Variants in SHISA9 observed in about 807,000 individuals in gnomAD.
The protein encoded by SHISA9 is protein shisa-9.
A neutral mutation model predicts 38.0 loss-of-function variants in SHISA9; 13 were observed. That is an observed-to-expected ratio of 0.34 (90% CI 0.22 to 0.54). SHISA9 has a LOEUF of 0.54. Ranked by LOEUF, SHISA9 falls within the 20% of genes least tolerant of loss-of-function variation. The probability of loss-of-function intolerance (pLI) is 0.91; values close to 1 mark genes in which losing one functional copy is unlikely to be tolerated. For missense variants in SHISA9, 538 were observed against 575.8 expected (o/e 0.93, Z 0.67); for synonymous variants, 275 against 242.0 (o/e 1.14, Z -1.27).
chr16:13,055,067 G>T (rs1198392589), intron 2 of SHISA9, among the ~76,000 whole-genome samples: 1 of 152,046 alleles, frequency 6.6e-6, no homozygotes, highest in Admixed American at 6.6e-5. Flanking sequence ...TAAATTAATA[G>T]GCCTTCTCCT....
At chr16:13,416,757 A>AGGAATGAAG in the SHISA9 span, among the ~76,000 whole-genome samples, 5 of 120,660 alleles carry the variant, frequency 4.1e-5, no homozygotes, top group African/African-American at 1.6e-4. Flanking sequence ...GAAGGAAGGA[A>AGGAATGAAG]GGAAGGAAGG....
intron 2 of SHISA9, among the ~76,000 whole-genome samples, chr16:13,019,556 G>A (rs532065178): frequency 1.3e-5 from 2 of 152,010 alleles, no homozygotes; most frequent in East Asian, 3.9e-4. Flanking sequence ...ACATTTAATG[G>A]CGTTAGGTAC....
intron 2 of SHISA9, among the ~76,000 whole-genome samples, chr16:12,998,435 TG>T (rs2072485661): frequency 6.6e-6 from 1 of 152,228 alleles, no homozygotes; most frequent in South Asian, 2.1e-4. Flanking sequence ...TACCATCCCT[TG>T]GGGTAAAGGT....
chr16:13,364,001 T>G, the SHISA9 span, among the ~76,000 whole-genome samples: 2 of 152,190 alleles, frequency 1.3e-5, no homozygotes, highest in African/African-American at 4.8e-5. Context: ...TTCCACATGA[T>G]TCCAGATTTA....
the SHISA9 span, among the ~76,000 whole-genome samples, chr16:13,383,425 A>AG: frequency 7.2e-5 from 11 of 152,342 alleles, no homozygotes; most frequent in East Asian, 2.1e-3. Flanking sequence ...ATATGGGGGA[A>AG]GAATAGTATT....
chr16:13,504,130 CTAGT>C, the SHISA9 span, among the ~76,000 whole-genome samples: 3 of 152,290 alleles, frequency 2.0e-5, no homozygotes, highest in South Asian at 2.1e-4. Flanking sequence ...TTGCTGCTTA[CTAGT>C]TAGTTTCCTG....
intron 2 of SHISA9, among the ~76,000 whole-genome samples, chr16:13,123,156 A>G (rs2050228437): frequency 6.6e-6 from 1 of 151,404 alleles, no homozygotes; most frequent in African/African-American, 2.4e-5. Context: ...TAGGATATCT[A>G]TTTGGGTCCA....
chr16:13,466,579 T>TG, the SHISA9 span, among the ~76,000 whole-genome samples: 11 of 152,112 alleles, frequency 7.2e-5, no homozygotes, highest in African/African-American at 1.4e-4. Flanking sequence ...TTGTTGTTGT[T>TG]TTTTTAAAAA....
the SHISA9 span, among the ~76,000 whole-genome samples, chr16:13,256,479 C>T: frequency 6.6e-6 from 1 of 152,134 alleles, no homozygotes; most frequent in Non-Finnish European, 1.5e-5. Flanking sequence ...TGTTGTTTTC[C>T]GTGTTGGTCA....
chr16:13,483,558 A>G, the SHISA9 span, among the ~76,000 whole-genome samples: 3 of 152,164 alleles, frequency 2.0e-5, no homozygotes, highest in South Asian at 6.2e-4. Flanking sequence ...CCAGTCTTTT[A>G]TTAGAATGTC....
chr16:12,993,526 G>A (rs1204376953), intron 2 of SHISA9, among the ~76,000 whole-genome samples: 1 of 152,144 alleles, frequency 6.6e-6, no homozygotes, highest in Non-Finnish European at 1.5e-5. Context: ...GCCCCTAGGT[G>A]CCCAGTAAAA....
the SHISA9 span, among the ~76,000 whole-genome samples, chr16:13,260,295 C>T: frequency 6.6e-6 from 1 of 152,016 alleles, no homozygotes; most frequent in Non-Finnish European, 1.5e-5. Context: ...GGATTACAGG[C>T]ATGAGCCACC....
chr16:13,164,855 G>T (rs180903888), intron 2 of SHISA9, among the ~76,000 whole-genome samples: 9 of 152,132 alleles, frequency 5.9e-5, no homozygotes, highest in African/African-American at 2.2e-4. Context: ...TGGATGACAT[G>T]AACCTTTTTA....
chr16:13,195,893 G>A (rs951210807), intron 2 of SHISA9, among the ~76,000 whole-genome samples: 1 of 151,332 alleles, frequency 6.6e-6, no homozygotes, highest in Non-Finnish European at 1.5e-5. Context: ...TTCAAGATCA[G>A]CTTGGCCAAC....
intron 2 of SHISA9, among the ~76,000 whole-genome samples, chr16:13,144,869 A>G (rs1370046190): frequency 1.3e-5 from 2 of 152,190 alleles, no homozygotes; most frequent in Non-Finnish European, 1.5e-5. Flanking sequence ...CTTTCACATT[A>G]TACAAAGAAA....
chr16:12,903,795 G>A (rs1338988261), intron 1 of SHISA9, among the ~76,000 whole-genome samples: 1 of 152,200 alleles, frequency 6.6e-6, no homozygotes, highest in Non-Finnish European at 1.5e-5. Context: ...CCCTCTGCCG[G>A]GGGCCTGTGT....
intron 2 of SHISA9, among the ~76,000 whole-genome samples, chr16:13,024,863 C>A (rs2072901237): frequency 1.3e-5 from 2 of 152,104 alleles, no homozygotes; most frequent in African/African-American, 4.8e-5. Flanking sequence ...GCATCTATCT[C>A]TGCTTGCATG....
chr16:13,489,063 TG>T, the SHISA9 span, among the ~76,000 whole-genome samples: 1 of 152,074 alleles, frequency 6.6e-6, no homozygotes, highest in African/African-American at 2.4e-5. Flanking sequence ...TTATTTTTTT[TG>T]AGACAGAGTT....
chr16:13,055,477 A>G (rs1413210801), intron 2 of SHISA9, among the ~76,000 whole-genome samples: 1 of 151,968 alleles, frequency 6.6e-6, no homozygotes, highest in East Asian at 1.9e-4. Flanking sequence ...CCTTCTCTCT[A>G]TTTCTGTACC....
Sources: allele counts gnomAD v4.1 joint callset (sites outside exome capture counted in the v4.1 genomes callset), GRCh38; gene constraint gnomAD v4.1.1; transcripts MANE v1.5; gene names NCBI Gene and HGNC (gene_info 2026-07-23, HGNC 2026-07-21).